The following PCDH15 variants were observed in gnomAD, a reference collection of about 807,000 sequenced individuals.
PCDH15 encodes the protein protocadherin related 15.
A neutral mutation model predicts 178.5 loss-of-function variants in PCDH15; 129 were observed. The observed-to-expected ratio is 0.72, with a 90% CI of 0.63 to 0.84. PCDH15 has a LOEUF of 0.84. Ranked by LOEUF, PCDH15 falls within the 40% of genes least tolerant of loss-of-function variation. The probability of loss-of-function intolerance (pLI) is 0.00; values close to 1 mark genes in which losing one functional copy is unlikely to be tolerated. For missense variants in PCDH15, 2,230 were observed against 2,099.9 expected (o/e 1.06, Z -1.21); for synonymous variants, 800 against 732.0 (o/e 1.09, Z -1.50).
chr10:54,721,901 G>A (rs1222756286), intron 1 of PCDH15, among the ~76,000 whole-genome samples: 2 of 151,638 alleles, frequency 1.3e-5, no homozygotes, highest in East Asian at 3.9e-4. Context: ...ACAAAATCGA[G>A]CGAGGCGACA....
At chr10:54,295,369 A>C (rs576173231) in intron 8 of PCDH15, among the ~76,000 whole-genome samples, 1 of 152,162 alleles carries the variant, frequency 6.6e-6, no homozygotes, top group Admixed American at 6.5e-5. Flanking sequence ...GGGGCCAAAT[A>C]AGGGAATAAA....
chr10:55,223,164 T>A (rs1041908903), intron 1 of PCDH15, among the ~76,000 whole-genome samples: 1 of 152,092 alleles, frequency 6.6e-6, no homozygotes, highest in Non-Finnish European at 1.5e-5. Context: ...TTATTTATTT[T>A]CATTTAATTT....
chr10:54,456,119 A>G (rs1474864842), intron 3 of PCDH15, among the ~76,000 whole-genome samples: 1 of 152,066 alleles, frequency 6.6e-6, no homozygotes, highest in Non-Finnish European at 1.5e-5. Flanking sequence ...AGCCCCACAC[A>G]GCACTGTCTA....
At chr10:53,821,421 C>A (rs557721389) in intron 32 of PCDH15, 1 of 999,690 alleles carries the variant, frequency 1.0e-6, no homozygotes, top group Non-Finnish European at 1.2e-6. Context: ...AAAAACAGAA[C>A]CTATCAATCA....
chr10:54,129,615 T>G (rs1434141914), intron 15 of PCDH15, among the ~76,000 whole-genome samples: 2 of 152,158 alleles, frequency 1.3e-5, no homozygotes, highest in African/African-American at 4.8e-5. Context: ...GTAAAGAATT[T>G]AAAGTAAATA....
At chr10:53,920,327 T>C (rs999973130) in intron 25 of PCDH15, among the ~76,000 whole-genome samples, 1 of 152,110 alleles carries the variant, frequency 6.6e-6, no homozygotes, top group African/African-American at 2.4e-5. Flanking sequence ...TATATTCTAT[T>C]TTCAAAACAT....
intron 26 of PCDH15, among the ~76,000 whole-genome samples, chr10:53,895,764 G>T (rs1270899812): frequency 6.6e-6 from 1 of 152,130 alleles, no homozygotes; most frequent in Non-Finnish European, 1.5e-5. Flanking sequence ...TTAACAGGGG[G>T]TGTCACAATT....
chr10:55,456,761 GA>G (rs1312155602), intron 2 of PCDH15, among the ~76,000 whole-genome samples: 3 of 150,586 alleles, frequency 2.0e-5, no homozygotes, highest in African/African-American at 4.9e-5. Flanking sequence ...GTCTGGTTCT[GA>G]AAAAAAAATT....
chr10:54,048,097 C>T (rs1301596927), intron 18 of PCDH15, among the ~76,000 whole-genome samples: 1 of 152,064 alleles, frequency 6.6e-6, no homozygotes, highest in East Asian at 1.9e-4. Flanking sequence ...TAATAATAGT[C>T]ATTTTGACTG....
chr10:54,767,302 A>G (rs1000046265), intron 1 of PCDH15, among the ~76,000 whole-genome samples: 2 of 152,188 alleles, frequency 1.3e-5, no homozygotes, highest in African/African-American at 4.8e-5. Flanking sequence ...ACCTATTAAA[A>G]CTAAACCTAT....
chr10:54,514,894 T>A (rs888342747), intron 3 of PCDH15, among the ~76,000 whole-genome samples: 1 of 152,222 alleles, frequency 6.6e-6, no homozygotes, highest in Non-Finnish European at 1.5e-5. Flanking sequence ...GTTATAATAG[T>A]GTTCCATAAA....
At chr10:54,801,812 C>T (rs912482194), upstream of PCDH15, among the ~76,000 whole-genome samples, 1 of 152,176 alleles carries the variant, frequency 6.6e-6, no homozygotes, top group Admixed American at 6.5e-5. Context: ...AAGGTTATCA[C>T]GAAGAAATAT....
intron 11 of PCDH15, among the ~76,000 whole-genome samples, chr10:54,188,683 A>C (rs967060198): frequency 4.6e-5 from 7 of 151,910 alleles, no homozygotes; most frequent in Non-Finnish European, 7.4e-5. Context: ...ACATATGAAT[A>C]TAAAATAAAC....
At chr10:54,459,565 A>C (rs2136430568) in intron 3 of PCDH15, among the ~76,000 whole-genome samples, 1 of 152,234 alleles carries the variant, frequency 6.6e-6, no homozygotes, top group South Asian at 2.1e-4. Context: ...TTAGTCCCAT[A>C]ATGTAAAGAT....
At chr10:54,469,859 G>T (rs937955259) in intron 3 of PCDH15, among the ~76,000 whole-genome samples, 1 of 152,130 alleles carries the variant, frequency 6.6e-6, no homozygotes, top group Non-Finnish European at 1.5e-5. Context: ...GGCTGCAATG[G>T]CCAGTCTCTA....
chr10:54,982,625 T>C (rs1160768268), intron 2 of PCDH15, among the ~76,000 whole-genome samples: 1 of 152,128 alleles, frequency 6.6e-6, no homozygotes, highest in East Asian at 1.9e-4. Flanking sequence ...AGGATAATGA[T>C]AAATACATTA....
intron 14 of PCDH15, among the ~76,000 whole-genome samples, chr10:54,140,521 T>G (rs922812046): frequency 6.6e-6 from 1 of 151,748 alleles, no homozygotes; most frequent in African/African-American, 2.4e-5. Context: ...CAGGATGGAG[T>G]GCAGTGGAGT....
chr10:55,144,201 T>G (rs779357176), intron 2 of PCDH15, among the ~76,000 whole-genome samples: 12 of 151,834 alleles, frequency 7.9e-5, no homozygotes, highest in Admixed American at 2.6e-4. Context: ...GACCTAAGAA[T>G]GGATATATAC....
intron 2 of PCDH15, among the ~76,000 whole-genome samples, chr10:55,140,437 T>C (rs115064538): frequency 0.021 from 3,144 of 152,040 alleles, 118 homozygotes; most frequent in African/African-American, 0.071. Context: ...TTGTAAAATT[T>C]TGTTAAATTC....
Sources: gnomAD v4.1 joint callset for allele counts (sites outside exome capture counted in the v4.1 genomes callset) on GRCh38, gnomAD v4.1.1 for gene constraint, MANE v1.5 for transcripts, NCBI Gene and HGNC (gene_info 2026-07-23, HGNC 2026-07-21) for gene names.